Variants in GRK1 observed in about 807,000 individuals in gnomAD.
GRK1 encodes rhodopsin kinase GRK1.
GRK1 carries 28 observed loss-of-function variants against 41.7 expected under a neutral mutation model. The ratio of observed to expected loss-of-function variants is 0.67; its 90% CI spans 0.50 to 0.92. GRK1 has a LOEUF of 0.92. Among genes scored for constraint, GRK1 ranks in the 40% least tolerant of loss-of-function variants. The pLI is 0.00. For missense variants in GRK1, 703 were observed against 671.2 expected (o/e 1.05, Z -0.52); for synonymous variants, 327 against 286.7 (o/e 1.14, Z -1.42).
At position 113,672,192 on chromosome 13, in the gene GRK1, T is replaced by TGTGTGTGTGTTGTGTGTG. The variant is rs2049861907; in HGVS notation, c.985+546_985+547insTGTGTGTGGTGTGTGTGT. On this transcript the variant is annotated intron_variant, in intron 3 of 6. Coordinates refer to ENST00000335678, the MANE Select transcript of GRK1 (RefSeq NM_002929.3). ...GTGTGCGCGTATGTGGTTTGTGGGG[T>TGTGTGTGTGTTGTGTGTG]GTGTGTGTGTGTTGTGTGTGGTGTG... 6.0e-3 allele frequency among the ~76,000 whole-genome samples: 915 copies of TGTGTGTGTGTTGTGTGTG among 151,542 alleles called. 3 individuals are homozygous for TGTGTGTGTGTTGTGTGTG. The highest frequency in any genetic ancestry group is 0.034 in the Middle Eastern group (10 of 294).
At chr13:113,653,971 T>A in the GRK1 span, among the ~76,000 whole-genome samples, 14 of 152,308 alleles carry the variant, frequency 9.2e-5, no homozygotes, top group Middle Eastern at 6.8e-3. Context: ...GAAACGTGTG[T>A]TTACTGCAGG....
At chr13:113,653,125 C>G in the GRK1 span, 25 of 1,568,468 alleles carry the variant, frequency 1.6e-5, no homozygotes, top group African/African-American at 2.7e-4. Context: ...TGACGCCTGG[C>G]TGCCCCCCGG....
At chr13:113,665,189 T>C (rs1435329047), upstream of GRK1, among the ~76,000 whole-genome samples, 1 of 152,180 alleles carries the variant, frequency 6.6e-6, no homozygotes, top group Non-Finnish European at 1.5e-5. Flanking sequence ...GCTTCCTCCC[T>C]GTGTGAGCTG....
At chr13:113,670,437 G>A (rs1594571992) in intron 2 of GRK1, among the ~76,000 whole-genome samples, 1 of 152,216 alleles carries the variant, frequency 6.6e-6, no homozygotes, top group South Asian at 2.1e-4. Context: ...GAGACTGTCC[G>A]GAGATTAAGA....
chr13:113,659,477 C>T, the GRK1 span, among the ~76,000 whole-genome samples: 162 of 152,306 alleles, frequency 1.1e-3, no homozygotes, highest in African/African-American at 3.9e-3. Flanking sequence ...CATTACGCTG[C>T]TTTAATTTTT....
At chr13:113,728,432 C>T (rs976077567) in intron 4 of GRK1, among the ~76,000 whole-genome samples, 9 of 141,780 alleles carry the variant, frequency 6.3e-5, no homozygotes, top group South Asian at 2.3e-4. Flanking sequence ...GTACCCATGG[C>T]GATGAGGAGT....
chr13:113,731,343 G>A lies in GRK1; in HGVS notation c.1194G>A (p.Lys398=). 6.5e-7 allele frequency: 1 copy of A among 1,536,846 alleles called. No individual in the cohort carries two copies. The highest frequency in any genetic ancestry group is 8.7e-7 in the Non-Finnish European group (1 of 1,146,802). ...GACCCTTCCGAGCCCGTGGAGAGAA[G>A]GTAGGAGGCGGCCGGCAGGTGTCTC... is the stretch of plus-strand genomic sequence containing the variant. ...ARGPFRARGE[K]VENKELKHRI... The change falls in exon 5 of 7, where the codon AAG becomes AAA. Residue 398 remains lysine (K), a splice_region_variant and synonymous_variant. Coordinates refer to ENST00000335678, the MANE Select transcript of GRK1 (RefSeq NM_002929.3). This position sits in a 1 kb window ranked among gnomAD's most constrained non-coding sequence, Gnocchi z 5.6.
chr13:113,733,944 GCGTGTGTGTGCATA>G (rs1311018029), intron 6 of GRK1, among the ~76,000 whole-genome samples: 21 of 117,338 alleles, frequency 1.8e-4, no homozygotes, highest in Admixed American at 5.6e-4. Flanking sequence ...ATACGTGTGT[GCGTGTGTGTGCATA>G]CGTGTGTGTG....
chr13:113,653,525 G>A, the GRK1 span: 40 of 1,177,372 alleles, frequency 3.4e-5, no homozygotes, highest in East Asian at 2.4e-4. Flanking sequence ...CGCCAGAGGC[G>A]GTGGCCCAAC....
the GRK1 span, among the ~76,000 whole-genome samples, chr13:113,652,120 C>G: frequency 6.6e-6 from 1 of 152,218 alleles, no homozygotes; most frequent in African/African-American, 2.4e-5. Flanking sequence ...CTGGCCCACC[C>G]GGGCCTTCAG....
chr13:113,668,148 T>G (rs1306836274), intron 1 of GRK1, 63 bp downstream of exon 1: 2 of 1,498,370 alleles, frequency 1.3e-6, no homozygotes, highest in Non-Finnish European at 1.8e-6. Flanking sequence ...GGCGGCAGGG[T>G]GCAGAGGGCC....
At chr13:113,657,938 G>C in the GRK1 span, 6 of 1,032,664 alleles carry the variant, frequency 5.8e-6, no homozygotes, top group Non-Finnish European at 8.4e-6. Flanking sequence ...TCACTGTCAG[G>C]GGCCCTCTGC....
chr13:113,665,843 T>C (rs988286107), upstream of GRK1, among the ~76,000 whole-genome samples: 5 of 149,658 alleles, frequency 3.3e-5, no homozygotes, highest in Non-Finnish European at 7.4e-5. Context: ...GTCTCAGGTG[T>C]GCCCAAGCTG....
the GRK1 span, among the ~76,000 whole-genome samples, chr13:113,651,381 C>A: frequency 6.6e-6 from 1 of 152,208 alleles, no homozygotes; most frequent in East Asian, 1.9e-4. Flanking sequence ...GTGGAAGGTG[C>A]ACTGGTCTTT....
chr13:113,668,157 C>G (rs2049832774), intron 1 of GRK1, 72 bp downstream of exon 1: 1 of 1,457,106 alleles, frequency 6.9e-7, no homozygotes, highest in African/African-American at 1.4e-5. Context: ...GTGCAGAGGG[C>G]CCCCAGGTCA....
chr13:113,655,314 C>T, the GRK1 span, among the ~76,000 whole-genome samples: 4 of 152,180 alleles, frequency 2.6e-5, no homozygotes, highest in African/African-American at 4.8e-5. Context: ...TATGGTTCCC[C>T]CATCACAGGA....
intron 4 of GRK1, 120 bp downstream of exon 4, chr13:113,723,277 C>A: frequency 1.9e-6 from 1 of 525,138 alleles, no homozygotes; most frequent in Non-Finnish European, 3.5e-6. Context: ...TGTCTGTGTG[C>A]ACATGGGCGT....
the GRK1 span, chr13:113,650,544 G>A: frequency 1.3e-6 from 2 of 1,549,472 alleles, no homozygotes; most frequent in Non-Finnish European, 1.8e-6. This position sits in a 1 kb window ranked among gnomAD's most constrained non-coding sequence, Gnocchi z 5.0. Context: ...TCAGGCGGGA[G>A]CTGGTGTGTG....
upstream of GRK1, among the ~76,000 whole-genome samples, chr13:113,666,003 T>C (rs1339276211): frequency 6.9e-6 from 1 of 144,554 alleles, no homozygotes; most frequent in Non-Finnish European, 1.5e-5. Context: ...GTCCCAGGTG[T>C]GCCCCAGCTG....
Sources: gnomAD v4.1 joint callset for allele counts (sites outside exome capture counted in the v4.1 genomes callset) on GRCh38, gnomAD v4.1.1 for gene constraint, Gnocchi (gnomAD v3.1) non-coding constraint, MANE v1.5 for transcripts, NCBI Gene and HGNC (gene_info 2026-07-23, HGNC 2026-07-21) for gene names.